Variants in OXR1 observed in about 807,000 individuals in gnomAD.
The protein encoded by OXR1 is oxidation resistance 1, also known as oxidation resistance protein 1.
OXR1 carries 41 observed loss-of-function variants against 104.6 expected under a neutral mutation model. The observed-to-expected ratio is 0.39, with a 90% CI of 0.31 to 0.51. OXR1 has a LOEUF of 0.51. OXR1 is among the 20% of genes least tolerant of loss of function. The pLI is 0.77. For synonymous variants in OXR1, 348 were observed against 348.4 expected (o/e 1.00, Z 0.01); for missense variants, 955 against 1,031.9 (o/e 0.93, Z 1.02).
intron 9 of OXR1, among the ~76,000 whole-genome samples, chr8:106,708,285 A>C (rs558829326): frequency 6.6e-6 from 1 of 152,016 alleles, no homozygotes; most frequent in South Asian, 2.1e-4. Context: ...TGTAGGCCCA[A>C]CTACTCGGGA....
intron 1 of OXR1, among the ~76,000 whole-genome samples, chr8:106,294,395 C>CAAAAAAAA (rs1200997871): frequency 8.5e-5 from 6 of 70,314 alleles, no homozygotes; most frequent in African/African-American, 1.9e-4. Flanking sequence ...GACTCTGTCT[C>CAAAAAAAA]AAAAAAAAAA....
intron 2 of OXR1, among the ~76,000 whole-genome samples, chr8:106,476,995 T>C (rs890844504): frequency 1.3e-5 from 2 of 151,940 alleles, no homozygotes; most frequent in African/African-American, 2.4e-5. Context: ...CAAATTTTCT[T>C]TTCTCTTTTC....
chr8:106,619,490 T>C (rs1329525768), intron 3 of OXR1, among the ~76,000 whole-genome samples: 1 of 152,208 alleles, frequency 6.6e-6, no homozygotes, highest in Non-Finnish European at 1.5e-5. Flanking sequence ...GTGATTGGTT[T>C]TGAGCCCAAA....
chr8:106,548,091 C>A (rs1224023507), intron 3 of OXR1, among the ~76,000 whole-genome samples: 1 of 152,164 alleles, frequency 6.6e-6, no homozygotes, highest in Admixed American at 6.5e-5. Context: ...CACCAATGCA[C>A]AACAGTCCAA....
intron 1 of OXR1, among the ~76,000 whole-genome samples, chr8:106,277,423 T>C (rs1457520358): frequency 6.6e-6 from 1 of 152,240 alleles, no homozygotes; most frequent in African/African-American, 2.4e-5. Context: ...TCTTTGTCCT[T>C]GTACTCTGCT....
At chr8:106,694,837 AATAT>A (rs1289546002) in intron 7 of OXR1, among the ~76,000 whole-genome samples, 72 of 122,690 alleles carry the variant, frequency 5.9e-4, no homozygotes, top group African/African-American at 2.2e-3. Context: ...TTATATATAT[AATAT>A]ATATATTTAA....
chr8:106,285,894 G>A (rs1052150834), intron 1 of OXR1, among the ~76,000 whole-genome samples: 2 of 152,122 alleles, frequency 1.3e-5, no homozygotes, highest in Non-Finnish European at 2.9e-5. Flanking sequence ...TCATTCCTTT[G>A]TGGACTTCCC....
intron 1 of OXR1, among the ~76,000 whole-genome samples, chr8:106,331,242 T>C (rs1246094366): frequency 1.3e-5 from 2 of 152,232 alleles, no homozygotes; most frequent in African/African-American, 4.8e-5. Context: ...AAAAGCAATG[T>C]ATTCTAATTG....
chr8:106,739,075 T>TACACACACAC (rs71307086), intron 12 of OXR1, among the ~76,000 whole-genome samples: 2,550 of 141,590 alleles, frequency 0.018, 57 homozygotes, highest in East Asian at 0.07. Flanking sequence ...TTAAATAGCA[T>TACACACACAC]ACACACACAC....
rs1023736373 is a variant in OXR1 at position 106,599,112 on chromosome 8, C to G, written c.220+79973C>G. The stretch of plus-strand genomic sequence containing the variant: ...AGTAGGCCTCATTTCATTTAAGGAG[C>G]CTAGCTGAAAGGCAAATGTGAGGAT... On this transcript the variant is annotated intron_variant, in intron 3 of 16. Transcript: ENST00000517566. Among the ~76,000 whole-genome samples the G allele has an allele frequency of 2.0e-5, 3 of 152,088 alleles. 1 individual carries two copies. The highest frequency in any genetic ancestry group is 2.0e-4 in the Admixed American group (3 of 15,276).
chr8:106,487,380 T>G (rs1466927698), intron 2 of OXR1, among the ~76,000 whole-genome samples: 1 of 151,460 alleles, frequency 6.6e-6, no homozygotes, highest in African/African-American at 2.4e-5. Context: ...TTAATTTTTA[T>G]GGATACATAA....
chr8:106,546,674 CAGTAAATCAGTGCTCTACATAAGGT>C (rs552521216), intron 3 of OXR1, among the ~76,000 whole-genome samples: 55 of 152,286 alleles, frequency 3.6e-4, no homozygotes, highest in African/African-American at 1.3e-3. Flanking sequence ...CCCTCATGGT[CAGTAAATCAGTGCTCTACATAAGGT>C]AAGGTGAACA....
intron 2 of OXR1, among the ~76,000 whole-genome samples, chr8:106,403,522 C>G (rs1818086911): frequency 6.6e-6 from 1 of 152,250 alleles, no homozygotes; most frequent in African/African-American, 2.4e-5. Flanking sequence ...AAATTTATTT[C>G]TCATGCTTGT....
At chr8:106,445,768 G>C (rs1051291331) in intron 2 of OXR1, among the ~76,000 whole-genome samples, 3 of 152,180 alleles carry the variant, frequency 2.0e-5, no homozygotes, top group Non-Finnish European at 4.4e-5. Flanking sequence ...CGAGGCTTTA[G>C]AAAGAATTTC....
At chr8:106,540,960 G>A (rs968396264) in intron 3 of OXR1, among the ~76,000 whole-genome samples, 1 of 152,182 alleles carries the variant, frequency 6.6e-6, no homozygotes, top group Non-Finnish European at 1.5e-5. Flanking sequence ...TGAGATTTGG[G>A]TGGGGACACA....
At chr8:106,432,646 T>G (rs1586637651) in intron 2 of OXR1, among the ~76,000 whole-genome samples, 1 of 93,810 alleles carries the variant, frequency 1.1e-5, no homozygotes, top group South Asian at 2.8e-4. Flanking sequence ...ATACCAAGGT[T>G]TTTTTTTTCT....
chr8:106,581,111 C>G, intron 3 of OXR1: 1 of 1,243,304 alleles, frequency 8.0e-7, no homozygotes, highest in East Asian at 5.7e-5. Context: ...TATTCAAAGA[C>G]AGTCTAGACT....
At chr8:106,544,811 A>G (rs574863547) in intron 3 of OXR1, among the ~76,000 whole-genome samples, 4 of 152,220 alleles carry the variant, frequency 2.6e-5, no homozygotes, top group South Asian at 4.1e-4. Flanking sequence ...TTTTGTGACT[A>G]TCCTATTATA....
intron 11 of OXR1, among the ~76,000 whole-genome samples, chr8:106,718,792 T>C (rs1465305565): frequency 6.7e-6 from 1 of 148,184 alleles, no homozygotes. Flanking sequence ...TGAGCCAAGA[T>C]CATGCCACTG....
Sources: gnomAD v4.1 joint callset for allele counts (sites outside exome capture counted in the v4.1 genomes callset) on GRCh38, gnomAD v4.1.1 for gene constraint, MANE v1.5 for transcripts, NCBI Gene and HGNC (gene_info 2026-07-23, HGNC 2026-07-21) for gene names.